VPS53: variants seen among roughly 807,000 people sequenced by gnomAD.
VPS53 encodes the protein VPS53 subunit of GARP complex, also known as vacuolar protein sorting-associated protein 53 homolog.
In VPS53, 70 loss-of-function variants were observed where a neutral mutation model predicts 107.0. The ratio of observed to expected loss-of-function variants is 0.65; its 90% confidence interval spans 0.54 to 0.80. The LOEUF (loss-of-function observed/expected upper bound fraction) is 0.80. VPS53 is among the 30% of genes least tolerant of loss of function. The probability of loss-of-function intolerance (pLI) is 0.00; values close to 1 mark genes in which losing one functional copy is unlikely to be tolerated. For missense variants in VPS53, 917 were observed against 1,049.4 expected (o/e 0.87, Z 1.74); for synonymous variants, 409 against 393.3 (o/e 1.04, Z -0.47).
Position 511,732 on chromosome 17 carries a change from G to A in VPS53, c.*7396C>T, listed in dbSNP as rs1266834041. 1 of 151,986 alleles carries A rather than the reference G, an allele frequency of 6.6e-6. No individual in the cohort carries two copies. The highest frequency in any genetic ancestry group is 1.5e-5 in the Non-Finnish European group (1 of 68,004). 9.4% of individuals were successfully genotyped at this position (151,986 alleles called of 1,614,324 possible). ...AAGTTAATCTTGCTTAGTTTTTTGG[G>A]GGGCATCATACCTAAAGAAGAAGAA... On this transcript the variant is annotated 3_prime_UTR_variant, in exon 22 of 22. Transcript: ENST00000437048.
At chr17:645,021 G>C (rs1268183235) in intron 7 of VPS53, among the ~76,000 whole-genome samples, 7 of 152,242 alleles carry the variant, frequency 4.6e-5, no homozygotes, top group African/African-American at 2.4e-5. Flanking sequence ...AATGTTTGGA[G>C]CACTGAAATA....
intron 17 of VPS53, among the ~76,000 whole-genome samples, chr17:547,128 C>T (rs375574347): frequency 1.8e-4 from 27 of 152,256 alleles, no homozygotes; most frequent in African/African-American, 5.8e-4. Context: ...CTGCCCACCT[C>T]GGCCTCCCAA....
chr17:590,553 T>C (rs897956114), intron 12 of VPS53, among the ~76,000 whole-genome samples: 7 of 152,176 alleles, frequency 4.6e-5, no homozygotes, highest in African/African-American at 1.7e-4. Context: ...ATACGTCCCA[T>C]CAATACCTAA....
intron 10 of VPS53, 59 bp from the exon 11 acceptor site, chr17:623,733 T>A: frequency 6.5e-7 from 1 of 1,533,354 alleles, no homozygotes; most frequent in Non-Finnish European, 8.8e-7. Context: ...TCAGTAGAGA[T>A]AAGGTAAATG....
At chr17:522,503 G>A (rs1908832545) in intron 19 of VPS53, among the ~76,000 whole-genome samples, 2 of 152,202 alleles carry the variant, frequency 1.3e-5, no homozygotes, top group Admixed American at 6.5e-5. Flanking sequence ...GTGTGTGGTT[G>A]TGTAAACTTT....
chr17:548,750 G>A (rs745347402), intron 17 of VPS53, among the ~76,000 whole-genome samples: 5 of 152,236 alleles, frequency 3.3e-5, no homozygotes, highest in Non-Finnish European at 7.3e-5. Flanking sequence ...TACAGGAGTA[G>A]CCTGAGGAGC....
At chr17:557,655 C>A (rs964786396) in intron 15 of VPS53, among the ~76,000 whole-genome samples, 1 of 151,890 alleles carries the variant, frequency 6.6e-6, no homozygotes, top group African/African-American at 2.4e-5. Flanking sequence ...TTAGAGATCA[C>A]AATAAAGGTG....
chr17:699,496 T>C, intron 2 of VPS53, 116 bp from the exon 3 acceptor site: 3 of 785,220 alleles, frequency 3.8e-6, no homozygotes, highest in South Asian at 3.7e-5. Flanking sequence ...TTTAATCACA[T>C]GATATGAGTT....
chr17:571,286 G>GA (rs1697178441), intron 13 of VPS53, among the ~76,000 whole-genome samples: 1 of 151,672 alleles, frequency 6.6e-6, no homozygotes, highest in African/African-American at 2.4e-5. Context: ...AAGGGAAAGA[G>GA]AGAAAAAGAA....
At chr17:572,978 T>C (rs1023532622) in intron 13 of VPS53, among the ~76,000 whole-genome samples, 1 of 151,892 alleles carries the variant, frequency 6.6e-6, no homozygotes, top group African/African-American at 2.4e-5. Context: ...TATTGTCCTA[T>C]GACCCTGCCA....
chr17:710,585 C>T lies in VPS53; in HGVS notation c.116G>A (p.Arg39Gln), dbSNP rs1418035023. 3 of 1,613,722 alleles carry T rather than the reference C, an allele frequency of 1.9e-6. No homozygotes were observed. Among genetic ancestry groups the T allele is most frequent in the Admixed American group, 1.7e-5 (1 of 59,970 alleles). The change falls in exon 2 of 22, where the codon CGA (arginine) becomes CAA (glutamine). Residue 39 changes from arginine (R) to glutamine (Q), a missense_variant. Arg to Gln is a conservative substitution (Grantham distance 43, BLOSUM62 1). Transcript: ENST00000437048. ...ATACTCAACAGCATTGAAATCTGCT[C>T]GATCTAGAGGGTCCTGGCTTGGAAA... is the stretch of plus-strand genomic sequence containing the variant. ...QVFPSQDPLD[R>Q]ADFNAVEYIN...
Position 714,633 on chromosome 17 carries a change from G to A in VPS53, c.77C>T (p.Ala26Val), listed in dbSNP as rs760067378. 6 of 1,611,698 alleles carry A rather than the reference G, an allele frequency of 3.7e-6. No individual in the cohort carries two copies. The South Asian group carries it at 5.5e-5, about 15-fold the overall frequency. The change falls in exon 1 of 22, where the codon GCC (alanine) becomes GTC (valine). Residue 26 changes from alanine to valine, a missense_variant. By Grantham distance (64) the Ala-to-Val change is moderately conservative. Coordinates refer to ENST00000437048, the MANE Select transcript of VPS53 (RefSeq NM_001128159.3). ...VLQLTPEVQL[A>V]IEQVFPSQDP... Reference sequence around the variant, plus strand: ...GGGCGGAACGCTTACCTGCTCGATGGCCAGCTGCACCTCGGGCGTGAGCTG... The same window carrying A: ...GGGCGGAACGCTTACCTGCTCGATGACCAGCTGCACCTCGGGCGTGAGCTG...
Position 509,764 on chromosome 17 carries a change from AC to A in VPS53, c.*9363del, listed in dbSNP as rs1291694443. On this transcript the variant is annotated 3_prime_UTR_variant, in exon 22 of 22. Transcript: ENST00000437048. ...CTTGTCACGTATTGAATCCTGGCTC[AC>A]CCCCTTACTAGTCACATATCAAATC... is the stretch of plus-strand genomic sequence containing the variant. 9 of 111,404 alleles carry A rather than the reference AC, an allele frequency of 8.1e-5. No individual in the cohort carries two copies. Among genetic ancestry groups the A allele is most frequent in the South Asian group, 3.0e-4 (2 of 6,590 alleles). 6.9% of individuals were successfully genotyped at this position (111,404 alleles called of 1,614,324 possible). A position where few individuals can be genotyped will look rare whatever the true frequency, so the allele number is the denominator to read the frequency against.
At chr17:602,128 C>T (rs923938247) in intron 11 of VPS53, among the ~76,000 whole-genome samples, 2 of 152,222 alleles carry the variant, frequency 1.3e-5, no homozygotes, top group South Asian at 4.1e-4. Flanking sequence ...AAAACGCTCA[C>T]GCATCCTCAG....
At chr17:588,621 T>C (rs958571634) in intron 12 of VPS53, among the ~76,000 whole-genome samples, 2 of 152,244 alleles carry the variant, frequency 1.3e-5, no homozygotes, top group African/African-American at 4.8e-5. Context: ...GTCTTTCATT[T>C]TTTGGCAAGG....
At chr17:674,837 G>A (rs375912586) in intron 4 of VPS53, 2 of 152,212 alleles carry the variant, frequency 1.3e-5, no homozygotes, top group East Asian at 1.9e-4. Context: ...AACTCGCTTC[G>A]TGTGATTTTG....
chr17:679,438 C>T (rs1264843375), intron 4 of VPS53, among the ~76,000 whole-genome samples: 1 of 152,002 alleles, frequency 6.6e-6, no homozygotes, highest in Non-Finnish European at 1.5e-5. Flanking sequence ...CGCTTGAACC[C>T]AGGAGGCGGA....
At chr17:643,366 G>A (rs189042971) in intron 7 of VPS53, among the ~76,000 whole-genome samples, 2 of 146,646 alleles carry the variant, frequency 1.4e-5, no homozygotes, top group African/African-American at 5.0e-5. Context: ...CTTGGAAACC[G>A]AGGACAACAC....
At chr17:548,770 G>A (rs1911533692) in intron 17 of VPS53, among the ~76,000 whole-genome samples, 1 of 152,238 alleles carries the variant, frequency 6.6e-6, no homozygotes, top group African/African-American at 2.4e-5. Flanking sequence ...CCCCTGGGAT[G>A]TTGAATGAGA....
Sources: allele counts gnomAD v4.1 joint callset (sites outside exome capture counted in the v4.1 genomes callset), GRCh38; gene constraint gnomAD v4.1.1; transcripts MANE v1.5; gene names NCBI Gene and HGNC (gene_info 2026-07-23, HGNC 2026-07-21).